CACNG8: variants seen among roughly 807,000 people sequenced by gnomAD.
CACNG8 encodes the protein calcium voltage-gated channel auxiliary subunit gamma 8.
A neutral mutation model predicts 26.9 loss-of-function variants in CACNG8; 5 were observed. That is an observed-to-expected ratio of 0.19 (90% CI 0.10 to 0.39). The LOEUF is 0.39. CACNG8 is among the 10% of genes least tolerant of loss of function. CACNG8 has a pLI of 1.00. For missense variants in CACNG8, 473 were observed against 609.4 expected, an observed-to-expected ratio of 0.78 and a Z score of 2.36; for synonymous variants, 321 against 296.7, an observed-to-expected ratio of 1.08 and a Z score of -0.84.
chr19:53,970,931 C>CAAAAA (rs34478690), intron 1 of CACNG8, among the ~76,000 whole-genome samples: 6 of 96,546 alleles, frequency 6.2e-5, no homozygotes, highest in African/African-American at 1.3e-4. Context: ...GACCCTATCT[C>CAAAAA]AAAAAAAAAA....
At position 53,978,678 on chromosome 19, in the gene CACNG8, G is replaced by T. The variant is rs2069344995; in HGVS notation, c.367+449G>T. On this transcript the variant is annotated intron_variant, in intron 2 of 3. Transcript: ENST00000270458. ...CAAATCCTAAATGATGATTGGCTGCGGCCTCAGCCAGGTTCCGAAATCGCA... is the reference window on the plus strand; with the variant it reads ...CAAATCCTAAATGATGATTGGCTGCTGCCTCAGCCAGGTTCCGAAATCGCA... Among the ~76,000 whole-genome samples, 5 of 149,552 alleles carry T rather than the reference G, an allele frequency of 3.3e-5. No homozygotes were observed. In the South Asian group the frequency reaches 1.1e-3, roughly 32 times the overall value.
intron 1 of CACNG8, among the ~76,000 whole-genome samples, chr19:53,966,602 C>A (rs2069273560): frequency 6.6e-6 from 1 of 151,896 alleles, no homozygotes; most frequent in South Asian, 2.1e-4. Context: ...CTATATTGCC[C>A]AGGCTGGTCT....
In CACNG8 at chr19:53,982,578, T is replaced by G. The variant is rs1286659052; in HGVS notation, c.1007T>G (p.Phe336Cys). The change falls in exon 4 of 4, where the codon TTC (phenylalanine) becomes TGC (cysteine). Residue 336 changes from phenylalanine (F) to cysteine (C), a missense_variant. Coordinates refer to ENST00000270458, the MANE Select transcript of CACNG8 (RefSeq NM_031895.6). The surrounding 1 kb of genome is among the most constrained non-coding windows in gnomAD (Gnocchi z 8.4). Reference sequence around the variant, plus strand: ...GGCGGCGGCGGCGCCGTGGGGGCGTTCGGCGGCGCGGCCGGGGGCGCCGGG... The same window carrying G: ...GGCGGCGGCGGCGCCGTGGGGGCGTGCGGCGGCGCGGCCGGGGGCGCCGGG... The G allele has an allele frequency of 3.1e-6, 3 of 973,988 alleles. No individual in the cohort carries two copies. The highest frequency in any genetic ancestry group is 3.6e-6 in the Non-Finnish European group (3 of 823,014). 60.3% of individuals were successfully genotyped at this position (973,988 alleles called of 1,614,324 possible).
rs1555815539 is a variant in CACNG8 at position 53,980,085 on chromosome 19, T to TGCGCGC, written c.508+86_508+91dup. ...GTGTGTGTGTGTGTGTGTGTGTGTG[T>TGCGCGC]GCGCGCGCGCGCGTGAGTGCAAGTG... On this transcript the variant is annotated intron_variant, in intron 3 of 3. Transcript: ENST00000270458. 898 of 1,011,668 alleles carry TGCGCGC rather than the reference T, an allele frequency of 8.9e-4. 2 individuals are homozygous for TGCGCGC. Among genetic ancestry groups the TGCGCGC allele is most frequent in the Admixed American group, 1.6e-3 (43 of 26,168 alleles). The allele number at this position is 1,011,668 out of a possible 1,614,324, so 62.7% of individuals were successfully genotyped here.
At chr19:53,972,732 A>G (rs2069310077) in intron 1 of CACNG8, among the ~76,000 whole-genome samples, 1 of 152,170 alleles carries the variant, frequency 6.6e-6, no homozygotes, top group African/African-American at 2.4e-5. Flanking sequence ...CAATTTCCCA[A>G]TGAGAGAGCA....
At chr19:53,963,512 GGGGCCCCCTT>G (rs1189785434) in intron 1 of CACNG8, 87 bp downstream of exon 1, 2 of 1,342,026 alleles carry the variant, frequency 1.5e-6, no homozygotes, top group African/African-American at 1.5e-5. Flanking sequence ...CCCTGATCCT[GGGGCCCCCTT>G]GGGCACCCCT....
chr19:53,977,112 A>G (rs941465712), intron 1 of CACNG8, among the ~76,000 whole-genome samples: 3 of 152,150 alleles, frequency 2.0e-5, no homozygotes, highest in African/African-American at 7.2e-5. Flanking sequence ...TCATCTACCA[A>G]CTAATGCATG....
At chr19:53,972,568 G>A (rs1005029047) in intron 1 of CACNG8, among the ~76,000 whole-genome samples, 1 of 150,942 alleles carries the variant, frequency 6.6e-6, no homozygotes, top group African/African-American at 2.4e-5. Flanking sequence ...CACCACATTG[G>A]CCAGGCTGGT....
intron 1 of CACNG8, among the ~76,000 whole-genome samples, chr19:53,973,804 C>T (rs1469902207): frequency 6.6e-6 from 1 of 151,098 alleles, no homozygotes; most frequent in East Asian, 2.0e-4. Flanking sequence ...CCAGCCTGGT[C>T]GACAGAGTGA....
At chr19:53,969,806 C>A (rs1272182689) in intron 1 of CACNG8, among the ~76,000 whole-genome samples, 1 of 152,124 alleles carries the variant, frequency 6.6e-6, no homozygotes, top group Non-Finnish European at 1.5e-5. Context: ...GCCTAAGGAG[C>A]GGCCGTTCTT....
chr19:53,982,832 A>G lies in CACNG8; in HGVS notation c.1261A>G (p.Lys421Glu). Reference sequence around the variant, plus strand: ...CTCCAACACCAACACGCTCAACAGGAAAACCACGCCTGTGTAGGGGCGCGG... The same window carrying G: ...CTCCAACACCAACACGCTCAACAGGGAAACCACGCCTGTGTAGGGGCGCGG... The change falls in exon 4 of 4, where the codon AAA becomes GAA. Residue 421 changes from lysine to glutamate, a missense_variant. By Grantham distance (56) the Lys-to-Glu change is moderately conservative. This residue lies in a region of CACNG8 where 212 missense variants were observed against 214.4 expected (regional missense o/e 0.99). Coordinates refer to ENST00000270458, the MANE Select transcript of CACNG8 (RefSeq NM_031895.6). The surrounding 1 kb of genome is among the most constrained non-coding windows in gnomAD (Gnocchi z 8.4). 7.3e-7 allele frequency: 1 copy of G among 1,371,508 alleles called. No homozygotes were observed. Among genetic ancestry groups the G allele is most frequent in the Non-Finnish European group, 9.5e-7 (1 of 1,056,010 alleles). The allele number at this position is 1,371,508 out of a possible 1,614,324, so 85.0% of individuals were successfully genotyped here.
intron 1 of CACNG8, among the ~76,000 whole-genome samples, chr19:53,969,858 G>A (rs1303450968): frequency 6.6e-6 from 1 of 152,214 alleles, no homozygotes; most frequent in East Asian, 1.9e-4. Context: ...TCAGCTGGGC[G>A]CGGTGGCTCA....
In CACNG8 at chr19:53,982,975, C is replaced by A; in HGVS notation, c.*126C>A. On this transcript the variant is annotated 3_prime_UTR_variant, in exon 4 of 4. Transcript: ENST00000270458. This position sits in a 1 kb window ranked among gnomAD's most constrained non-coding sequence, Gnocchi z 8.4. ...GCGCGCTGGAGACTGCTGGGCCCGCCCCACGCCCACCCTCCCCGCCCCCCT... is the reference window on the plus strand; with the variant it reads ...GCGCGCTGGAGACTGCTGGGCCCGCACCACGCCCACCCTCCCCGCCCCCCT... 1 of 491,124 alleles carries A rather than the reference C, an allele frequency of 2.0e-6. No individual in the cohort carries two copies. The highest frequency in any genetic ancestry group is 3.0e-6 in the Non-Finnish European group (1 of 338,480). The allele number at this position is 491,124 out of a possible 1,614,324, so 30.4% of individuals were successfully genotyped here.
At position 53,982,858 on chromosome 19, in the gene CACNG8, C is replaced by A; in HGVS notation, c.*9C>A. ...AAACCACGCCTGTGTAGGGGCGCGG[C>A]GGGGGAGCCGAGGGGCGTGTCCGGG... On this transcript the variant is annotated 3_prime_UTR_variant, in exon 4 of 4. Transcript: ENST00000270458. The surrounding 1 kb of genome is among the most constrained non-coding windows in gnomAD (Gnocchi z 8.4). 1.5e-6 allele frequency: 2 copies of A among 1,299,670 alleles called. No individual in the cohort carries two copies. The highest frequency in any genetic ancestry group is 1.9e-5 in the South Asian group (1 of 52,888). 80.5% of individuals were successfully genotyped at this position (1,299,670 alleles called of 1,614,324 possible). A position where few individuals can be genotyped will look rare whatever the true frequency, so the allele number is the denominator to read the frequency against.
rs769765479 is a variant in CACNG8 at position 53,963,353 on chromosome 19, G to A, written c.211G>A (p.Gly71Ser). The change falls in exon 1 of 4, where the codon GGC (glycine) becomes AGC (serine). Residue 71 changes from glycine (G) to serine (S), a missense_variant. This residue lies in a region of CACNG8 where 69 missense variants were observed against 66.7 expected (regional missense o/e 1.03). Coordinates refer to ENST00000270458, the MANE Select transcript of CACNG8 (RefSeq NM_031895.6). ...CGACGGGACCCCCCACCGCGGGGGC[G>A]GCGGCGCCTCGGAGAAGAAGGACCC... is the stretch of plus-strand genomic sequence containing the variant. 4.4e-6 allele frequency: 7 copies of A among 1,592,766 alleles called. No individual in the cohort carries two copies. The highest frequency in any genetic ancestry group is 1.1e-5 in the South Asian group (1 of 90,128).
chr19:53,963,068 CCCCCAGCCGCCG>C lies in CACNG8; in HGVS notation c.-74_-63del, dbSNP rs2069252096. On this transcript the variant is annotated 5_prime_UTR_variant, in exon 1 of 4. Transcript: ENST00000270458. The stretch of plus-strand genomic sequence containing the variant: ...CGCTTCTGCCTGCGCTGTGAACCCC[CCCCCAGCCGCCG>C]GCACGGCCCCGCCCCCGCTGCCCCG... 1 of 938,396 alleles carries C rather than the reference CCCCCAGCCGCCG, an allele frequency of 1.1e-6. No individual in the cohort carries two copies. The highest frequency in any genetic ancestry group is 1.4e-6 in the Non-Finnish European group (1 of 691,530). The allele number at this position is 938,396 out of a possible 1,614,324, so 58.1% of individuals were successfully genotyped here. A position where few individuals can be genotyped will look rare whatever the true frequency, so the allele number is the denominator to read the frequency against.
intron 2 of CACNG8, 35 bp downstream of exon 2, chr19:53,978,264 G>C (rs748157762): frequency 6.4e-7 from 1 of 1,565,464 alleles, no homozygotes; most frequent in Non-Finnish European, 8.8e-7. Flanking sequence ...TGGGGAGTGG[G>C]TCAAATCGCG....
At position 53,984,646 on chromosome 19, in the gene CACNG8, C is replaced by G. The variant is rs1341712814; in HGVS notation, c.*1797C>G. On this transcript the variant is annotated 3_prime_UTR_variant, in exon 4 of 4. Coordinates refer to ENST00000270458, the MANE Select transcript of CACNG8 (RefSeq NM_031895.6). ...ATGAGGCCGGGAAAGTAGCCACAAGCTAGAGTGTAAAGGTACCAGGGTGGC... is the reference window on the plus strand; with the variant it reads ...ATGAGGCCGGGAAAGTAGCCACAAGGTAGAGTGTAAAGGTACCAGGGTGGC... The G allele has an allele frequency of 6.6e-6, 1 of 152,540 alleles. No individual in the cohort carries two copies. The highest frequency in any genetic ancestry group is 2.4e-5 in the African/African-American group (1 of 41,412). 9.4% of individuals were successfully genotyped at this position (152,540 alleles called of 1,614,324 possible). A position where few individuals can be genotyped will look rare whatever the true frequency, so the allele number is the denominator to read the frequency against.
chr19:53,980,449 C>G (rs1355054877), intron 3 of CACNG8, among the ~76,000 whole-genome samples: 1 of 151,990 alleles, frequency 6.6e-6, no homozygotes, highest in Non-Finnish European at 1.5e-5. Context: ...GATGAGGAGC[C>G]TGCTTTAAGG....
Sources: gnomAD v4.1 joint callset for allele counts (sites outside exome capture counted in the v4.1 genomes callset) on GRCh38, gnomAD v4.1.1 for gene constraint, gnomAD v4.1.1 regional missense constraint, Gnocchi (gnomAD v3.1) non-coding constraint, MANE v1.5 for transcripts, NCBI Gene and HGNC (gene_info 2026-07-23, HGNC 2026-07-21) for gene names.